The following STEAP1B variants were observed in gnomAD, a reference collection of about 807,000 sequenced individuals.
The protein encoded by STEAP1B is STEAP family protein MGC87042.
STEAP1B carries 13 observed loss-of-function variants against 27.9 expected under a neutral mutation model. The observed-to-expected ratio is 0.47, with a 90% confidence interval of 0.30 to 0.74. The LOEUF is 0.74. Ranked by LOEUF, STEAP1B falls within the 30% of genes least tolerant of loss-of-function variation. STEAP1B has a pLI of 0.06. For synonymous variants in STEAP1B, 86 were observed against 107.1 expected, an observed-to-expected ratio of 0.80 and a Z score of 1.22; for missense variants, 250 against 298.7, an observed-to-expected ratio of 0.84 and a Z score of 1.20.
At chr7:22,450,760 T>A (rs974653026) in intron 4 of STEAP1B, among the ~76,000 whole-genome samples, 2 of 152,210 alleles carry the variant, frequency 1.3e-5, no homozygotes, top group Admixed American at 1.3e-4. Context: ...TTTAACAATA[T>A]TGATTATTCC....
intron 1 of STEAP1B, among the ~76,000 whole-genome samples, chr7:22,497,188 C>G (rs1786456708): frequency 6.6e-6 from 1 of 152,152 alleles, no homozygotes; most frequent in African/African-American, 2.4e-5. Context: ...GGCACAGAAC[C>G]TACTTCAAGC....
chr7:22,496,831 T>C (rs1786450242), intron 1 of STEAP1B, among the ~76,000 whole-genome samples: 1 of 152,236 alleles, frequency 6.6e-6, no homozygotes, highest in Non-Finnish European at 1.5e-5. Flanking sequence ...ATGACTGTTC[T>C]TAAAACATTC....
chr7:22,469,321 T>C (rs1048387847), intron 4 of STEAP1B, among the ~76,000 whole-genome samples: 3 of 152,236 alleles, frequency 2.0e-5, no homozygotes, highest in African/African-American at 7.2e-5. Context: ...AGCTAAGTGT[T>C]ACTACAAAAG....
intron 4 of STEAP1B, among the ~76,000 whole-genome samples, chr7:22,487,566 G>A (rs530912941): frequency 7.3e-4 from 93 of 127,150 alleles, no homozygotes; most frequent in Non-Finnish European, 1.3e-3. Context: ...CGAGGATGGC[G>A]GGGGCGGGGG....
chr7:22,438,704 G>T (rs1293136120), intron 4 of STEAP1B: 5 of 1,551,746 alleles, frequency 3.2e-6, no homozygotes, highest in Non-Finnish European at 8.7e-7. Flanking sequence ...GTCTTGGCCA[G>T]TTTAGTGGCC....
chr7:22,458,185 C>T (rs897667564), intron 4 of STEAP1B, among the ~76,000 whole-genome samples: 10 of 152,194 alleles, frequency 6.6e-5, no homozygotes, highest in Admixed American at 6.5e-4. Flanking sequence ...GTGCCAGGCA[C>T]AGTGCTGGGT....
chr7:22,431,605 C>G (rs1369535983), intron 4 of STEAP1B, among the ~76,000 whole-genome samples: 1 of 152,198 alleles, frequency 6.6e-6, no homozygotes, highest in Non-Finnish European at 1.5e-5. Flanking sequence ...TGACCTTCAC[C>G]TTTGCTCCAC....
chr7:22,498,204 G>C (rs4722149), intron 1 of STEAP1B, among the ~76,000 whole-genome samples: 7,176 of 152,266 alleles, frequency 0.047, 208 homozygotes, highest in East Asian at 0.077. Flanking sequence ...GCGGCCAGGG[G>C]GTTGGGGACC....
Position 22,434,556 on chromosome 7 carries a change from T to C in STEAP1B, c.763-14720A>G, listed in dbSNP as rs1785231299. Among the ~76,000 whole-genome samples the C allele has an allele frequency of 2.0e-5, 3 of 152,298 alleles. No individual in the cohort carries two copies. The East Asian group carries it at 5.8e-4, about 29-fold the overall frequency. ...AAAATTGGTACATCTCAGAAGATAA[T>C]ATGTGAGACTAATAGCTATAGTTTG... On this transcript the variant is annotated intron_variant, in intron 4 of 4. Coordinates refer to ENST00000678116, the MANE Select transcript of STEAP1B (RefSeq NM_001382447.1).
intron 4 of STEAP1B, among the ~76,000 whole-genome samples, chr7:22,461,906 A>C (rs1785684668): frequency 6.6e-6 from 1 of 152,192 alleles, no homozygotes; most frequent in South Asian, 2.1e-4. Context: ...GCACCTGCCC[A>C]CGTGACTGTT....
chr7:22,478,680 G>T (rs1402626457), intron 4 of STEAP1B, among the ~76,000 whole-genome samples: 1 of 151,838 alleles, frequency 6.6e-6, no homozygotes, highest in Non-Finnish European at 1.5e-5. Flanking sequence ...AATCTTACTT[G>T]GGGGGGGCTT....
chr7:22,488,975 T>C (rs1306983360), intron 4 of STEAP1B, among the ~76,000 whole-genome samples: 1 of 152,206 alleles, frequency 6.6e-6, no homozygotes, highest in Non-Finnish European at 1.5e-5. Context: ...AAAGACCGGA[T>C]GCAGTACCCT....
At chr7:22,466,945 C>T (rs966963725) in intron 4 of STEAP1B, among the ~76,000 whole-genome samples, 5 of 152,212 alleles carry the variant, frequency 3.3e-5, no homozygotes, top group African/African-American at 9.7e-5. Context: ...AATAGCAACA[C>T]CTGCCTCCCA....
intron 4 of STEAP1B, among the ~76,000 whole-genome samples, chr7:22,456,972 A>ATATATATATATATTTTT: frequency 1.8e-5 from 1 of 57,046 alleles, no homozygotes; most frequent in African/African-American, 7.0e-5. Context: ...ATATATATAT[A>ATATATATATATATTTTT]TTTTTTTTTT....
rs566896836 is a variant in STEAP1B, at chr7:22,469,420, C to A, written c.762+23145G>T. On this transcript the variant is annotated intron_variant, in intron 4 of 4. Coordinates refer to ENST00000678116, the MANE Select transcript of STEAP1B (RefSeq NM_001382447.1). ...ATAAGTTTAGTGTAACCTAAGTCTT[C>A]AGTGTTTTATGCAGTCTATATTAGT... Among the ~76,000 whole-genome samples the A allele has an allele frequency of 1.1e-4, 17 of 152,256 alleles. No individual in the cohort carries two copies. In the East Asian group the frequency reaches 3.3e-3, roughly 29 times the overall value.
At chr7:22,480,804 G>T (rs186103267) in intron 4 of STEAP1B, among the ~76,000 whole-genome samples, 17 of 152,314 alleles carry the variant, frequency 1.1e-4, no homozygotes, top group Admixed American at 9.8e-4. Flanking sequence ...GCCAGCTACA[G>T]CATGCCTACA....
intron 4 of STEAP1B, among the ~76,000 whole-genome samples, chr7:22,472,843 G>C (rs1287631103): frequency 6.6e-6 from 1 of 152,182 alleles, no homozygotes; most frequent in Non-Finnish European, 1.5e-5. Context: ...ATGGGCTATG[G>C]AGGCGGGAGA....
chr7:22,475,883 A>G (rs148646625), intron 4 of STEAP1B, among the ~76,000 whole-genome samples: 1 of 152,364 alleles, frequency 6.6e-6, no homozygotes, highest in African/African-American at 2.4e-5. Context: ...AAAATGCCGT[A>G]GAAACTGTCT....
intron 4 of STEAP1B, among the ~76,000 whole-genome samples, chr7:22,445,924 C>G (rs907916191): frequency 2.6e-5 from 4 of 152,168 alleles, no homozygotes; most frequent in African/African-American, 9.7e-5. Flanking sequence ...CCTGATGAGT[C>G]GGAAACTTGA....
Sources: allele counts gnomAD v4.1 joint callset (sites outside exome capture counted in the v4.1 genomes callset), GRCh38; gene constraint gnomAD v4.1.1; transcripts MANE v1.5; gene names NCBI Gene and HGNC (gene_info 2026-07-23, HGNC 2026-07-21).